INSC: variants seen among roughly 807,000 people sequenced by gnomAD.
INSC encodes INSC spindle orientation adaptor protein.
In INSC, 67 loss-of-function variants were observed where a neutral mutation model predicts 58.6. The ratio of observed to expected loss-of-function variants is 1.14; its 90% CI spans 0.94 to 1.40. The LOEUF is 1.40. Among genes scored for constraint, INSC ranks in the 40% most tolerant of loss-of-function variants. INSC has a pLI of 0.00. For synonymous variants in INSC, 262 were observed against 276.1 expected (o/e 0.95, Z 0.51); for missense variants, 714 against 692.0 (o/e 1.03, Z -0.36).
intron 7 of INSC, among the ~76,000 whole-genome samples, chr11:15,201,605 G>C: frequency 6.6e-6 from 1 of 152,336 alleles, no homozygotes; most frequent in Admixed American, 6.5e-5. Flanking sequence ...CTGAGGCTGC[G>C]CCTCTACTTA....
intron 10 of INSC, among the ~76,000 whole-genome samples, chr11:15,237,549 C>T (rs1198322028): frequency 1.3e-5 from 2 of 152,176 alleles, no homozygotes; most frequent in Admixed American, 1.3e-4. Flanking sequence ...AATGAAGGAG[C>T]TATTTTCCAA....
chr11:15,164,205 A>G (rs899427145), intron 2 of INSC, among the ~76,000 whole-genome samples: 12 of 152,204 alleles, frequency 7.9e-5, no homozygotes, highest in African/African-American at 2.9e-4. Flanking sequence ...TTTTTAAAAT[A>G]ACTATATATG....
intron 9 of INSC, among the ~76,000 whole-genome samples, chr11:15,226,328 C>A (rs1282933092): frequency 2.6e-5 from 4 of 152,176 alleles, no homozygotes; most frequent in Non-Finnish European, 5.9e-5. Flanking sequence ...GCAGAACCTT[C>A]ATTCAGGGCC....
At chr11:15,201,113 T>G (rs1589962168) in intron 7 of INSC, among the ~76,000 whole-genome samples, 164 bp downstream of exon 7, 1 of 151,142 alleles carries the variant, frequency 6.6e-6, no homozygotes. Flanking sequence ...ACTATGGGAG[T>G]CAGCAAAGAG....
At chr11:15,185,372 TA>T (rs1194207855) in intron 5 of INSC, among the ~76,000 whole-genome samples, 1 of 152,132 alleles carries the variant, frequency 6.6e-6, no homozygotes. Flanking sequence ...TGAATTATCC[TA>T]AAAATGATAA....
chr11:15,228,758 G>T (rs1187751593), intron 9 of INSC, among the ~76,000 whole-genome samples: 2 of 152,312 alleles, frequency 1.3e-5, no homozygotes, highest in East Asian at 3.9e-4. Flanking sequence ...TGGACAATGA[G>T]AACCCTTCCA....
chr11:15,241,973 G>A (rs1852372505), intron 12 of INSC, among the ~76,000 whole-genome samples: 1 of 152,182 alleles, frequency 6.6e-6, no homozygotes, highest in South Asian at 2.1e-4. Flanking sequence ...AAATCACAGG[G>A]TTTGTGAAGA....
rs962858384 is a variant in INSC at position 15,226,471 on chromosome 11, C to G, written c.1170+643C>G. 4.6e-5 allele frequency among the ~76,000 whole-genome samples: 7 copies of G among 152,234 alleles called. No individual in the cohort carries two copies. The South Asian group carries it at 1.5e-3, about 32-fold the overall frequency. ...GGGGGTATTTTAAAGGCTCTTTGAA[C>G]TCTGATGTTCTAGAATTTTATACCA... On this transcript the variant is annotated intron_variant, in intron 9 of 12. Transcript: ENST00000379556.
intron 3 of INSC, among the ~76,000 whole-genome samples, 173 bp downstream of exon 3, chr11:15,176,259 T>G (rs1849572513): frequency 6.6e-6 from 1 of 152,080 alleles, no homozygotes; most frequent in Admixed American, 6.5e-5. Context: ...TACTATGTGG[T>G]GGACATTGTG....
At chr11:15,160,801 G>T (rs1195270492) in intron 2 of INSC, among the ~76,000 whole-genome samples, 1 of 152,168 alleles carries the variant, frequency 6.6e-6, no homozygotes, top group Non-Finnish European at 1.5e-5. Context: ...TTCTGAAACC[G>T]AAATAACAAC....
intron 2 of INSC, among the ~76,000 whole-genome samples, chr11:15,158,967 G>T (rs145173431): frequency 6.8e-6 from 1 of 147,456 alleles, no homozygotes; most frequent in Non-Finnish European, 1.5e-5. Context: ...AACAGGGCTT[G>T]TTCTGAGCAG....
At chr11:15,220,252 G>C (rs896328095) in intron 7 of INSC, among the ~76,000 whole-genome samples, 3 of 152,048 alleles carry the variant, frequency 2.0e-5, no homozygotes, top group Non-Finnish European at 4.4e-5. Context: ...GAATGAGCAC[G>C]GGCTGCTCCT....
chr11:15,203,318 A>G (rs1210109397), intron 7 of INSC, among the ~76,000 whole-genome samples: 3 of 152,226 alleles, frequency 2.0e-5, no homozygotes, highest in Admixed American at 6.5e-5. Flanking sequence ...GGCATAGGGG[A>G]TAGTAGCTTA....
chr11:15,266,022 C>A, the INSC span, among the ~76,000 whole-genome samples: 5 of 151,700 alleles, frequency 3.3e-5, no homozygotes, highest in African/African-American at 1.2e-4. Context: ...TCCATTGAGC[C>A]TGAGACCACA....
intron 4 of INSC, among the ~76,000 whole-genome samples, chr11:15,177,828 T>C (rs1849625155): frequency 6.6e-6 from 1 of 152,204 alleles, no homozygotes. Context: ...AATTGGAACC[T>C]GATCCCCCTC....
chr11:15,173,209 T>C (rs1481155103), intron 2 of INSC, among the ~76,000 whole-genome samples: 2 of 152,010 alleles, frequency 1.3e-5, no homozygotes, highest in African/African-American at 2.4e-5. Context: ...AGGATTCTGC[T>C]GGAGGACTTG....
chr11:15,241,557 A>G, intron 12 of INSC: 1 of 702,474 alleles, frequency 1.4e-6, no homozygotes, highest in African/African-American at 1.7e-5. Context: ...CGTTCCATTC[A>G]CTGTTCTAGG....
At chr11:15,216,410 C>T (rs1469477911) in intron 7 of INSC, among the ~76,000 whole-genome samples, 1 of 152,202 alleles carries the variant, frequency 6.6e-6, no homozygotes. Context: ...CACTTTCTCT[C>T]TGTCTCACTC....
rs770025357 is a variant in INSC at position 15,240,515 on chromosome 11, G to T, written c.1462G>T (p.Ala488Ser). Residue 488 changes from alanine to serine, a missense_variant, in exon 12 of 13, where the codon GCC becomes TCC. Ala to Ser is a moderately conservative substitution (Grantham distance 99). Coordinates refer to ENST00000379556, the MANE Select transcript of INSC (RefSeq NM_001042536.3). ...ERNSSDAVLV[A>S]CLAALRRLAG... ...GAACAGCAGTGACGCCGTGCTTGTG[G>T]CCTGCCTGGTGAGTTCTCAGTCTTC... is the stretch of plus-strand genomic sequence containing the variant. 1 of 1,613,320 alleles carries T rather than the reference G, an allele frequency of 6.2e-7. No homozygotes were observed. Among genetic ancestry groups the T allele is most frequent in the Admixed American group, 1.7e-5 (1 of 59,982 alleles).
Sources: gnomAD v4.1 joint callset for allele counts (sites outside exome capture counted in the v4.1 genomes callset) on GRCh38, gnomAD v4.1.1 for gene constraint, MANE v1.5 for transcripts, NCBI Gene and HGNC (gene_info 2026-07-23, HGNC 2026-07-21) for gene names.